The following GRHL2 variants were observed in gnomAD, a reference collection of about 807,000 sequenced individuals.
GRHL2 encodes the protein grainyhead-like protein 2 homolog.
Under a neutral mutation model 83.8 loss-of-function variants are expected in GRHL2, and 21 were observed. That is an observed-to-expected ratio of 0.25 (90% confidence interval 0.18 to 0.36). The LOEUF (loss-of-function observed/expected upper bound fraction) is 0.36, where lower values mean the gene tolerates loss of function less well. GRHL2 is among the 10% of genes least tolerant of loss of function. The pLI, the probability that GRHL2 is intolerant of heterozygous loss-of-function variation, is 1.00. For missense variants in GRHL2, 623 were observed against 781.8 expected (o/e 0.80, Z 2.42); for synonymous variants, 280 against 278.9 (o/e 1.00, Z -0.04).
intron 8 of GRHL2, among the ~76,000 whole-genome samples, chr8:101,603,079 A>G (rs1190456885): frequency 6.6e-6 from 1 of 152,232 alleles, no homozygotes; most frequent in Non-Finnish European, 1.5e-5. Flanking sequence ...TGTTTAAAAA[A>G]AAAACACCAG....
intron 2 of GRHL2, among the ~76,000 whole-genome samples, chr8:101,546,616 A>T (rs1031878393): frequency 6.6e-6 from 1 of 152,044 alleles, no homozygotes; most frequent in Non-Finnish European, 1.5e-5. Flanking sequence ...GATTTTGCAC[A>T]TGTTGGCCAG....
At chr8:101,576,104 T>C (rs1323210376) in intron 6 of GRHL2, among the ~76,000 whole-genome samples, 1 of 152,258 alleles carries the variant, frequency 6.6e-6, no homozygotes, top group East Asian at 1.9e-4. Flanking sequence ...ACTGTTTCTG[T>C]CCTTGCTAAG....
At chr8:101,516,456 C>T (rs1474182340) in intron 1 of GRHL2, among the ~76,000 whole-genome samples, 1 of 139,534 alleles carries the variant, frequency 7.2e-6, no homozygotes, top group East Asian at 2.1e-4. Context: ...CCTCTGTGGC[C>T]AGGCTGGAGG....
chr8:101,500,634 G>C (rs1376684548), intron 1 of GRHL2, among the ~76,000 whole-genome samples: 1 of 152,042 alleles, frequency 6.6e-6, no homozygotes, highest in Non-Finnish European at 1.5e-5. Context: ...TCAGCCTCCT[G>C]AGTAGCTGGG....
intron 11 of GRHL2, among the ~76,000 whole-genome samples, chr8:101,632,732 T>C (rs1160475811): frequency 6.6e-6 from 1 of 152,254 alleles, no homozygotes; most frequent in Non-Finnish European, 1.5e-5. Flanking sequence ...CACCTGTAAC[T>C]GCATAAAGTT....
chr8:101,599,707 G>A (rs1812470929), intron 8 of GRHL2, among the ~76,000 whole-genome samples: 1 of 152,184 alleles, frequency 6.6e-6, no homozygotes. Flanking sequence ...GTGCCCACAT[G>A]GTTAAGAAGT....
At chr8:101,652,331 GTGTGTGTGTA>G (rs1563626558) in intron 14 of GRHL2, among the ~76,000 whole-genome samples, 2 of 79,752 alleles carry the variant, frequency 2.5e-5, no homozygotes, top group East Asian at 3.4e-4. Context: ...TGTGTGTGTG[GTGTGTGTGTA>G]TGTGTGTGGT....
chr8:101,523,797 A>T (rs1810745831), intron 1 of GRHL2, among the ~76,000 whole-genome samples: 1 of 152,110 alleles, frequency 6.6e-6, no homozygotes, highest in Non-Finnish European at 1.5e-5. Context: ...ATTTATATTC[A>T]GTTGCATAAG....
intron 1 of GRHL2, among the ~76,000 whole-genome samples, chr8:101,495,353 A>T (rs769841039): frequency 6.6e-6 from 1 of 152,236 alleles, no homozygotes; most frequent in Admixed American, 6.5e-5. Flanking sequence ...CTGAAGTAGC[A>T]TCGTCTTTTT....
intron 1 of GRHL2, among the ~76,000 whole-genome samples, chr8:101,508,538 G>A (rs142397344): frequency 1.2e-3 from 183 of 152,220 alleles, no homozygotes; most frequent in African/African-American, 4.3e-3. Context: ...TGTTAGCAGA[G>A]TGTGGAGCCA....
intron 2 of GRHL2, among the ~76,000 whole-genome samples, chr8:101,544,227 C>A (rs760235010): frequency 2.6e-5 from 4 of 152,120 alleles, no homozygotes; most frequent in African/African-American, 9.7e-5. Flanking sequence ...TAGAAACATT[C>A]AGGGTTTCTA....
intron 1 of GRHL2, among the ~76,000 whole-genome samples, chr8:101,541,564 G>T (rs1053636325): frequency 6.6e-6 from 1 of 152,078 alleles, no homozygotes; most frequent in African/African-American, 2.4e-5. Flanking sequence ...ATTGATTGAT[G>T]TTGGTGTTGC....
chr8:101,558,857 C>A, intron 4 of GRHL2, 45 bp downstream of exon 4: 1 of 1,599,270 alleles, frequency 6.3e-7, no homozygotes, highest in Non-Finnish European at 8.5e-7. Context: ...AACCCAGAGC[C>A]CCTAGCTAAT....
chr8:101,642,116 C>G (rs1399254522), intron 12 of GRHL2, among the ~76,000 whole-genome samples: 1 of 152,102 alleles, frequency 6.6e-6, no homozygotes, highest in Non-Finnish European at 1.5e-5. Context: ...CTGAAATTTG[C>G]TTTCTACATC....
At chr8:101,582,687 T>C (rs953417184) in intron 7 of GRHL2, among the ~76,000 whole-genome samples, 9 of 152,132 alleles carry the variant, frequency 5.9e-5, no homozygotes, top group Non-Finnish European at 1.3e-4. Context: ...GTTAGGGAAA[T>C]GCTATTTGAG....
At chr8:101,587,853 C>G (rs950638126) in intron 7 of GRHL2, among the ~76,000 whole-genome samples, 1 of 152,244 alleles carries the variant, frequency 6.6e-6, no homozygotes, top group South Asian at 2.1e-4. Flanking sequence ...AGAAGTTTCT[C>G]TCCCTGTGGC....
At chr8:101,673,395 T>G (rs1586189374), downstream of GRHL2, among the ~76,000 whole-genome samples, 1 of 151,966 alleles carries the variant, frequency 6.6e-6, no homozygotes, top group Admixed American at 6.6e-5. Flanking sequence ...AGGCAGGGGT[T>G]GCAATCCTAA....
chr8:101,509,005 T>C (rs1001613185), intron 1 of GRHL2, among the ~76,000 whole-genome samples: 1 of 152,032 alleles, frequency 6.6e-6, no homozygotes, highest in Non-Finnish European at 1.5e-5. Context: ...TTTTGTACTT[T>C]TATTTCGATT....
At chr8:101,586,061 G>GTTTGTTTT (rs1563593697) in intron 7 of GRHL2, among the ~76,000 whole-genome samples, 1 of 46,572 alleles carries the variant, frequency 2.1e-5, no homozygotes, top group African/African-American at 6.5e-5. Context: ...TCCACCTCAT[G>GTTTGTTTT]TTTCTTTTTT....
Sources: allele counts gnomAD v4.1 joint callset (sites outside exome capture counted in the v4.1 genomes callset), GRCh38; gene constraint gnomAD v4.1.1; transcripts MANE v1.5; gene names NCBI Gene and HGNC (gene_info 2026-07-23, HGNC 2026-07-21).